POLR1A: variants seen among roughly 807,000 people sequenced by gnomAD.
POLR1A encodes RNA polymerase I subunit A.
In POLR1A, 84 loss-of-function variants were observed where a neutral mutation model predicts 205.3. That is an observed-to-expected ratio of 0.41 (90% CI 0.34 to 0.49). POLR1A has a LOEUF of 0.49. Among genes scored for constraint, POLR1A ranks in the 20% least tolerant of loss-of-function variants. The pLI, the probability that POLR1A is intolerant of heterozygous loss-of-function variation, is 0.22. For missense variants in POLR1A, 1,645 were observed against 2,204.5 expected (o/e 0.75, Z 5.08); for synonymous variants, 799 against 863.7 (o/e 0.93, Z 1.31).
At chr2:86,086,750 T>C (rs1056450125) in intron 6 of POLR1A, among the ~76,000 whole-genome samples, 2 of 152,226 alleles carry the variant, frequency 1.3e-5, no homozygotes, top group African/African-American at 4.8e-5. Context: ...GTGAAGGCAT[T>C]GAAAGGCTAC....
intron 11 of POLR1A, 60 bp downstream of exon 11, chr2:86,077,799 G>A: frequency 6.7e-7 from 1 of 1,495,204 alleles, no homozygotes; most frequent in Non-Finnish European, 9.0e-7. Context: ...AATGAGCCCT[G>A]CACGCGCGCG....
In POLR1A at chr2:86,105,480, C is replaced by G. The variant is rs570376603; in HGVS notation, c.77+220G>C. Among the ~76,000 whole-genome samples the G allele has an allele frequency of 4.5e-4, 68 of 152,236 alleles. 3 individuals carry two copies. In the South Asian group the frequency reaches 1.0e-2, roughly 22 times the overall value. On this transcript the variant is annotated intron_variant, in intron 1 of 33. Coordinates refer to ENST00000263857, the MANE Select transcript of POLR1A (RefSeq NM_015425.6). ...GGACCCTCCCCACCCTTATATTCCC[C>G]TACCTCAGCGCAAACTCTTTCCCCC...
Position 86,078,110 on chromosome 2 carries a change from T to C in POLR1A, c.1257+4A>G. The C allele has an allele frequency of 6.2e-7, 1 of 1,613,030 alleles. No homozygotes were observed. Among genetic ancestry groups the C allele is most frequent in the South Asian group, 1.1e-5 (1 of 90,712 alleles). On this transcript the variant is annotated splice_donor_region_variant and intron_variant, in intron 10 of 33. Coordinates refer to ENST00000263857, the MANE Select transcript of POLR1A (RefSeq NM_015425.6). ...TAGCAATGGGAATCCAGTTTTTTGCTCACCTGCCTAATGCCTGGGTACTTG... is the reference window on the plus strand; with the variant it reads ...TAGCAATGGGAATCCAGTTTTTTGCCCACCTGCCTAATGCCTGGGTACTTG...
intron 10 of POLR1A, 53 bp downstream of exon 10, chr2:86,078,061 T>G: frequency 6.2e-7 from 1 of 1,612,184 alleles, no homozygotes; most frequent in South Asian, 1.1e-5. Context: ...CAATACACAA[T>G]GTTTATTATT....
chr2:86,042,434 C>T (rs535203476), intron 23 of POLR1A, among the ~76,000 whole-genome samples: 2 of 152,188 alleles, frequency 1.3e-5, no homozygotes, highest in Non-Finnish European at 2.9e-5. Context: ...CTGTCTCAGG[C>T]CAGCTAGGAT....
At chr2:86,033,611 T>G in intron 28 of POLR1A, 50 bp downstream of exon 28, 2 of 1,596,176 alleles carry the variant, frequency 1.3e-6, no homozygotes, top group Non-Finnish European at 1.7e-6. Flanking sequence ...GCCTGCCCAG[T>G]CTGGGGGCTG....
chr2:86,077,812 C>A, intron 11 of POLR1A, 47 bp downstream of exon 11: 1 of 3,622 alleles, frequency 2.8e-4, no homozygotes. Context: ...CGCGCGCGCG[C>A]ACACACACAC....
At chr2:86,073,263 A>G (rs1673212750) in intron 12 of POLR1A, among the ~76,000 whole-genome samples, 1 of 151,948 alleles carries the variant, frequency 6.6e-6, no homozygotes, top group Non-Finnish European at 1.5e-5. Flanking sequence ...TACAGTCCTC[A>G]GGCTGGCCAC....
intron 33 of POLR1A, 40 bp from the exon 34 acceptor site, chr2:86,027,563 A>G: frequency 3.9e-6 from 6 of 1,551,908 alleles, no homozygotes; most frequent in Non-Finnish European, 2.7e-6. Flanking sequence ...GTGTTGAGGT[A>G]GAAGTTGGGA....
rs1672551332 is a variant in POLR1A, at chr2:86,039,059, A to C, written c.3877-202T>G. 7.8e-6 allele frequency: 5 copies of C among 642,618 alleles called. No individual in the cohort carries two copies. In the Admixed American group the frequency reaches 1.2e-4, roughly 15 times the overall value. 39.8% of individuals were successfully genotyped at this position (642,618 alleles called of 1,614,324 possible). A position where few individuals can be genotyped will look rare whatever the true frequency, so the allele number is the denominator to read the frequency against. The stretch of plus-strand genomic sequence containing the variant: ...CAGTCACCTCCAGAGAGTGGCCTGA[A>C]CCTCCTAGGAGTGGCCTCAGCAGAG... On this transcript the variant is annotated intron_variant, in intron 26 of 33. Coordinates refer to ENST00000263857, the MANE Select transcript of POLR1A (RefSeq NM_015425.6).
chr2:86,032,048 G>A (rs1366861073), intron 29 of POLR1A, among the ~76,000 whole-genome samples: 1 of 152,214 alleles, frequency 6.6e-6, no homozygotes, highest in Non-Finnish European at 1.5e-5. Flanking sequence ...TCCAGGGATG[G>A]CCACATCTAA....
At chr2:86,056,652 A>AG (rs1267563513) in intron 14 of POLR1A, among the ~76,000 whole-genome samples, 1 of 151,878 alleles carries the variant, frequency 6.6e-6, no homozygotes, top group East Asian at 1.9e-4. Flanking sequence ...CTCTCCTGTT[A>AG]GGGGCTAATG....
At chr2:86,089,437 T>G (rs1337766350) in intron 4 of POLR1A, among the ~76,000 whole-genome samples, 1 of 152,232 alleles carries the variant, frequency 6.6e-6, no homozygotes, top group Admixed American at 6.5e-5. Context: ...GTGAATTATC[T>G]ACCCATTCAT....
At chr2:86,045,439 A>G in intron 20 of POLR1A, 79 bp from the exon 21 acceptor site, 1 of 1,313,314 alleles carries the variant, frequency 7.6e-7, no homozygotes, top group South Asian at 1.2e-5. Context: ...CAACACCTCC[A>G]GCAGCCTTTC....
rs530346670 is a variant in POLR1A at position 86,039,192 on chromosome 2, A to G, written c.3876+135T>C. ...GATCCATCTCTGCTCAGCACCTGGC[A>G]GAGACAGCTTATCTCTCATTGGTGG... On this transcript the variant is annotated intron_variant, in intron 26 of 33. Transcript: ENST00000263857. 57 of 961,972 alleles carry G rather than the reference A, an allele frequency of 5.9e-5. 1 individual carries two copies. Among genetic ancestry groups the G allele is most frequent in the Non-Finnish European group, 8.7e-5 (55 of 635,408 alleles). The allele number at this position is 961,972 out of a possible 1,614,324, so 59.6% of individuals were successfully genotyped here. A position where few individuals can be genotyped will look rare whatever the true frequency, so the allele number is the denominator to read the frequency against.
At chr2:86,076,878 T>G (rs1165623821) in intron 11 of POLR1A, among the ~76,000 whole-genome samples, 2 of 152,194 alleles carry the variant, frequency 1.3e-5, no homozygotes, top group Non-Finnish European at 2.9e-5. Flanking sequence ...GATTTGGGAA[T>G]GTCACCACTG....
rs7587914 is a variant in POLR1A, at chr2:86,100,221, C to G, written c.78-49G>C. ...AGGAAAGCTAAAGTTACCAACCTCT[C>G]TGATGTTTCCTTTCCAGCACAAACC... On this transcript the variant is annotated intron_variant, in intron 1 of 33. Transcript: ENST00000263857. 9,554 of 1,375,532 alleles carry G rather than the reference C, an allele frequency of 6.9e-3. 331 individuals carry two copies. The African/African-American group carries it at 0.083, about 12-fold the overall frequency. 85.2% of individuals were successfully genotyped at this position (1,375,532 alleles called of 1,614,324 possible).
At chr2:86,077,192 G>C (rs1191158268) in intron 11 of POLR1A, among the ~76,000 whole-genome samples, 1 of 152,176 alleles carries the variant, frequency 6.6e-6, no homozygotes, top group African/African-American at 2.4e-5. Flanking sequence ...CTGACATAGA[G>C]GCCGGCCCAT....
intron 27 of POLR1A, among the ~76,000 whole-genome samples, chr2:86,035,938 T>C (rs1672485228): frequency 6.6e-6 from 1 of 152,206 alleles, no homozygotes. Context: ...ATGTGACCAG[T>C]GTGCCAGTTT....
Sources: gnomAD v4.1 joint callset for allele counts (sites outside exome capture counted in the v4.1 genomes callset) on GRCh38, gnomAD v4.1.1 for gene constraint, MANE v1.5 for transcripts, NCBI Gene and HGNC (gene_info 2026-07-23, HGNC 2026-07-21) for gene names.